Variants in SCIN observed in about 807,000 individuals in gnomAD.
SCIN encodes adseverin.
SCIN carries 91 observed loss-of-function variants against 91.8 expected under a neutral mutation model. That is an observed-to-expected ratio of 0.99 (90% CI 0.84 to 1.18). The LOEUF (loss-of-function observed/expected upper bound fraction) is 1.18. Among genes scored for constraint, SCIN ranks in the 50% most tolerant of loss-of-function variants. The pLI is 0.00. For synonymous variants in SCIN, 367 were observed against 312.6 expected (o/e 1.17, Z -1.84); for missense variants, 1,087 against 863.9 (o/e 1.26, Z -3.24).
At chr7:12,602,717 C>T (rs942422630) in intron 3 of SCIN, among the ~76,000 whole-genome samples, 1 of 152,154 alleles carries the variant, frequency 6.6e-6, no homozygotes, top group African/African-American at 2.4e-5. Context: ...AAATATGGTT[C>T]TTTTTGCCCG....
intron 5 of SCIN, among the ~76,000 whole-genome samples, chr7:12,624,115 A>T (rs1783464392): frequency 6.6e-6 from 1 of 152,182 alleles, no homozygotes; most frequent in Admixed American, 6.5e-5. Flanking sequence ...TTACATGGAT[A>T]TAAAGTATAA....
chr7:12,619,051 T>C (rs1259347480), intron 4 of SCIN, among the ~76,000 whole-genome samples: 1 of 152,030 alleles, frequency 6.6e-6, no homozygotes, highest in Non-Finnish European at 1.5e-5. Context: ...ATCTATGAAG[T>C]TAAAGTAATC....
At position 12,570,776 on chromosome 7, in the gene SCIN, G is replaced by T. The variant is rs575291555; in HGVS notation, c.-11G>T. 1.9e-6 allele frequency: 3 copies of T among 1,549,418 alleles called. No homozygotes were observed. ...TATCACGCGTCCCCCGGAGCATCGC[G>T]TGCAGGAGCCATGGCGCGGGAGCTA... On this transcript the variant is annotated 5_prime_UTR_variant, in exon 1 of 16. Coordinates refer to ENST00000297029, the MANE Select transcript of SCIN (RefSeq NM_001112706.3).
Position 12,640,332 on chromosome 7 carries a change from C to T in SCIN, c.1411-15C>T. On this transcript the variant is annotated splice_polypyrimidine_tract_variant and intron_variant, in intron 10 of 15. Coordinates refer to ENST00000297029, the MANE Select transcript of SCIN (RefSeq NM_001112706.3). ...TCTTAATTATATTTCTTTTATTCCC[C>T]CTCTCCCCCATCAGATCCGAGTCTC... 1 of 1,557,022 alleles carries T rather than the reference C, an allele frequency of 6.4e-7. No individual in the cohort carries two copies.
intron 1 of SCIN, among the ~76,000 whole-genome samples, chr7:12,572,191 C>T (rs1261364280): frequency 2.6e-5 from 4 of 152,122 alleles, no homozygotes; most frequent in Non-Finnish European, 4.4e-5. Context: ...ATGAAAAATA[C>T]GTAGATGAAG....
intron 3 of SCIN, among the ~76,000 whole-genome samples, chr7:12,581,656 C>T (rs1019879498): frequency 1.3e-5 from 2 of 152,126 alleles, no homozygotes; most frequent in East Asian, 1.9e-4. Context: ...TTTTGATGTA[C>T]GTATATACAC....
intron 13 of SCIN, among the ~76,000 whole-genome samples, chr7:12,645,819 A>G (rs1484279648): frequency 6.6e-6 from 1 of 152,176 alleles, no homozygotes; most frequent in Non-Finnish European, 1.5e-5. Context: ...TAATGTTGTG[A>G]TGTCCTATAT....
intron 8 of SCIN, among the ~76,000 whole-genome samples, chr7:12,627,753 A>G (rs568189199): frequency 6.6e-6 from 1 of 152,236 alleles, no homozygotes; most frequent in East Asian, 1.9e-4. Flanking sequence ...TCCTGCTCAG[A>G]CATTCCTGCC....
At chr7:12,582,959 A>T (rs1439649727) in intron 3 of SCIN, among the ~76,000 whole-genome samples, 1 of 152,174 alleles carries the variant, frequency 6.6e-6, no homozygotes, top group Admixed American at 6.5e-5. Flanking sequence ...TAGAAAAAGG[A>T]GACCTCAGTT....
At chr7:12,603,692 C>T (rs1783011353) in intron 3 of SCIN, among the ~76,000 whole-genome samples, 1 of 152,098 alleles carries the variant, frequency 6.6e-6, no homozygotes, top group African/African-American at 2.4e-5. Context: ...GTAGTTTAAT[C>T]TAAATGGTAG....
intron 3 of SCIN, among the ~76,000 whole-genome samples, chr7:12,600,129 A>G (rs899221309): frequency 3.9e-5 from 6 of 152,200 alleles, no homozygotes; most frequent in African/African-American, 1.4e-4. Context: ...ATCTTCTAGA[A>G]TCTTTATGGT....
At chr7:12,639,754 CAT>C (rs751328210) in intron 10 of SCIN, among the ~76,000 whole-genome samples, 8 of 151,706 alleles carry the variant, frequency 5.3e-5, no homozygotes, top group Non-Finnish European at 8.8e-5. Context: ...AAGTAGAAAA[CAT>C]ATTCTGTTTA....
intron 3 of SCIN, among the ~76,000 whole-genome samples, chr7:12,593,000 G>A (rs1314283604): frequency 6.6e-6 from 1 of 152,248 alleles, no homozygotes; most frequent in Non-Finnish European, 1.5e-5. Context: ...GGGAGTGCAA[G>A]TGATTCTTCA....
chr7:12,588,812 G>C (rs1326722955), intron 3 of SCIN: 1 of 78,392 alleles, frequency 1.3e-5, no homozygotes, highest in Non-Finnish European at 2.5e-5. Context: ...ATTGGGTGGG[G>C]GGGGGGGGGT....
chr7:12,617,036 A>C (rs1296515380), intron 4 of SCIN, among the ~76,000 whole-genome samples: 1 of 152,160 alleles, frequency 6.6e-6, no homozygotes, highest in Non-Finnish European at 1.5e-5. Flanking sequence ...AAATCATTAG[A>C]TCAGTACGTG....
At chr7:12,619,639 G>C (rs951440922) in intron 4 of SCIN, among the ~76,000 whole-genome samples, 1 of 152,112 alleles carries the variant, frequency 6.6e-6, no homozygotes, top group African/African-American at 2.4e-5. Flanking sequence ...AGCTAGCTAC[G>C]GGGAAAGAAT....
At chr7:12,610,507 A>T (rs1290941176) in intron 4 of SCIN, among the ~76,000 whole-genome samples, 10 of 152,206 alleles carry the variant, frequency 6.6e-5, no homozygotes, top group Admixed American at 2.0e-4. Flanking sequence ...GCTCTAACTC[A>T]TTGCCCACTC....
intron 10 of SCIN, among the ~76,000 whole-genome samples, chr7:12,637,079 TTTTAGCC>T (rs1235291177): frequency 1.3e-5 from 2 of 152,106 alleles, no homozygotes; most frequent in Non-Finnish European, 2.9e-5. Flanking sequence ...TTATTCCAGA[TTTTAGCC>T]CAGTTACTAA....
At chr7:12,637,292 C>T (rs545889179) in intron 10 of SCIN, among the ~76,000 whole-genome samples, 8 of 152,276 alleles carry the variant, frequency 5.3e-5, no homozygotes, top group African/African-American at 1.9e-4. Context: ...ACTCTCAAAT[C>T]GTAAACATGC....
Sources: allele counts gnomAD v4.1 joint callset (sites outside exome capture counted in the v4.1 genomes callset), GRCh38; gene constraint gnomAD v4.1.1; transcripts MANE v1.5; gene names NCBI Gene and HGNC (gene_info 2026-07-23, HGNC 2026-07-21).